Variants in DMRT1 observed in about 807,000 individuals in gnomAD.
The protein encoded by DMRT1 is doublesex and mab-3 related transcription factor 1, also known as doublesex- and mab-3-related transcription factor 1.
A neutral mutation model predicts 32.3 loss-of-function variants in DMRT1; 7 were observed. The ratio of observed to expected loss-of-function variants is 0.22; its 90% CI spans 0.12 to 0.41. DMRT1 has a LOEUF of 0.41. Among genes scored for constraint, DMRT1 ranks in the 10% least tolerant of loss-of-function variants. The pLI, the probability that DMRT1 is intolerant of heterozygous loss-of-function variation, is 1.00. For synonymous variants in DMRT1, 278 were observed against 206.1 expected (o/e 1.35, Z -2.99); for missense variants, 625 against 500.5 (o/e 1.25, Z -2.37).
chr9:873,138 G>T (rs1589481876), intron 2 of DMRT1, among the ~76,000 whole-genome samples: 1 of 152,290 alleles, frequency 6.6e-6, no homozygotes, highest in South Asian at 2.1e-4. Flanking sequence ...ATTATTTGTG[G>T]TTCTGATTTG....
At chr9:939,990 G>T (rs938465720) in intron 4 of DMRT1, among the ~76,000 whole-genome samples, 1 of 151,986 alleles carries the variant, frequency 6.6e-6, no homozygotes, top group Non-Finnish European at 1.5e-5. Flanking sequence ...TCAGTGAAAC[G>T]CAAATCAAAC....
chr9:901,302 C>T (rs1817564012), intron 3 of DMRT1, among the ~76,000 whole-genome samples: 1 of 152,138 alleles, frequency 6.6e-6, no homozygotes, highest in Non-Finnish European at 1.5e-5. Flanking sequence ...CAGGCATGAG[C>T]CACCACGCCT....
At chr9:855,240 C>G (rs941546264) in intron 2 of DMRT1, among the ~76,000 whole-genome samples, 1 of 152,156 alleles carries the variant, frequency 6.6e-6, no homozygotes, top group African/African-American at 2.4e-5. Flanking sequence ...AAGTAACCTA[C>G]TTGTCTACCT....
intron 4 of DMRT1, among the ~76,000 whole-genome samples, chr9:931,597 G>C (rs563160533): frequency 1.3e-5 from 2 of 152,156 alleles, no homozygotes; most frequent in Non-Finnish European, 2.9e-5. Context: ...GTTGCTTTCC[G>C]GTAAGGCTTC....
At chr9:861,636 AGCG>A (rs1159523247) in intron 2 of DMRT1, among the ~76,000 whole-genome samples, 8 of 141,230 alleles carry the variant, frequency 5.7e-5, no homozygotes, top group African/African-American at 1.9e-4. Context: ...CAGAAGGGGC[AGCG>A]GCCGGGCAGA....
chr9:960,182 C>A (rs1819726713), intron 4 of DMRT1, among the ~76,000 whole-genome samples: 1 of 152,156 alleles, frequency 6.6e-6, no homozygotes, highest in African/African-American at 2.4e-5. Flanking sequence ...ATACATGATG[C>A]CGTGAAAAGC....
chr9:847,408 A>G (rs1381838444), intron 2 of DMRT1, among the ~76,000 whole-genome samples: 2 of 152,192 alleles, frequency 1.3e-5, no homozygotes, highest in African/African-American at 4.8e-5. Context: ...GAGAGGTGAG[A>G]TTGTTCAGAT....
chr9:853,925 A>T (rs914149233), intron 2 of DMRT1, among the ~76,000 whole-genome samples: 11 of 152,080 alleles, frequency 7.2e-5, no homozygotes, highest in African/African-American at 2.7e-4. Flanking sequence ...CCTCCCGAGC[A>T]GTTAGGACTA....
At position 965,835 on chromosome 9, in the gene DMRT1, A is replaced by G. The variant is rs1258024970; in HGVS notation, c.968-2150A>G. Among the ~76,000 whole-genome samples, 1 of 152,240 alleles carries G rather than the reference A, an allele frequency of 6.6e-6. No individual in the cohort carries two copies. Among genetic ancestry groups the G allele is most frequent in the East Asian group, 1.9e-4 (1 of 5,204 alleles). ...ACGCCAGAGTCAGCCTAATCAGTAC[A>G]GTGCTGCCCTTGACAGCTTGCACAG... On this transcript the variant is annotated intron_variant, in intron 4 of 4. Coordinates refer to ENST00000382276, the MANE Select transcript of DMRT1 (RefSeq NM_021951.3). This position sits in a 1 kb window ranked among gnomAD's most constrained non-coding sequence, Gnocchi z 4.5.
At chr9:884,820 A>G (rs1404957219) in intron 2 of DMRT1, among the ~76,000 whole-genome samples, 1 of 152,086 alleles carries the variant, frequency 6.6e-6, no homozygotes, top group Non-Finnish European at 1.5e-5. Context: ...AAATAGAAAA[A>G]TTAGCCAGGC....
At chr9:891,990 G>C (rs1305179913) in intron 2 of DMRT1, among the ~76,000 whole-genome samples, 1 of 152,182 alleles carries the variant, frequency 6.6e-6, no homozygotes, top group East Asian at 1.9e-4. Context: ...TGGATCTCAC[G>C]TCCTGGTAGT....
chr9:899,341 C>A (rs1817486636), intron 3 of DMRT1, among the ~76,000 whole-genome samples: 1 of 152,166 alleles, frequency 6.6e-6, no homozygotes, highest in East Asian at 1.9e-4. Context: ...TTTTATTGTA[C>A]AGTTGAGACT....
intron 3 of DMRT1, among the ~76,000 whole-genome samples, chr9:912,151 CAG>C (rs1178667687): frequency 2.0e-5 from 3 of 152,180 alleles, no homozygotes; most frequent in Non-Finnish European, 4.4e-5. Flanking sequence ...AGAAAGAGAA[CAG>C]GGGAAACTGC....
intron 3 of DMRT1, among the ~76,000 whole-genome samples, chr9:900,790 T>A (rs1817543225): frequency 6.6e-6 from 1 of 151,746 alleles, no homozygotes; most frequent in African/African-American, 2.4e-5. Context: ...GTTCGAGTGA[T>A]CCTCCCATCT....
chr9:968,170 G>A lies in DMRT1; in HGVS notation c.*31G>A, dbSNP rs368604783. The A allele has an allele frequency of 3.1e-6, 5 of 1,612,792 alleles. No individual in the cohort carries two copies. Among genetic ancestry groups the A allele is most frequent in the Non-Finnish European group, 4.2e-6 (5 of 1,179,776 alleles). On this transcript the variant is annotated 3_prime_UTR_variant, in exon 5 of 5. Transcript: ENST00000382276. Reference sequence around the variant, plus strand: ...GCCTGCTGCCGATGGCGGTTCACTTGGAGTAACAGGCTTATTCCACTTTCC... The same window carrying A: ...GCCTGCTGCCGATGGCGGTTCACTTAGAGTAACAGGCTTATTCCACTTTCC...
intron 2 of DMRT1, among the ~76,000 whole-genome samples, chr9:872,162 A>G (rs1181710815): frequency 6.6e-6 from 1 of 151,004 alleles, no homozygotes; most frequent in Non-Finnish European, 1.5e-5. Flanking sequence ...CCCAGGTTCA[A>G]GGGATTCTCC....
At chr9:844,223 C>T (rs1316521919) in intron 1 of DMRT1, among the ~76,000 whole-genome samples, 1 of 152,134 alleles carries the variant, frequency 6.6e-6, no homozygotes, top group African/African-American at 2.4e-5. Context: ...ATTTTCTACA[C>T]CAGAAGGTGT....
chr9:845,191 G>C (rs1476642804), intron 1 of DMRT1, among the ~76,000 whole-genome samples: 1 of 151,984 alleles, frequency 6.6e-6, no homozygotes, highest in East Asian at 1.9e-4. Context: ...CTTTAAACCT[G>C]TTTTTTCAAT....
At chr9:897,935 T>C (rs966672412) in intron 3 of DMRT1, among the ~76,000 whole-genome samples, 1 of 152,060 alleles carries the variant, frequency 6.6e-6, no homozygotes. Context: ...CCTTAGGAAA[T>C]AGAAAACATA....
Sources: gnomAD v4.1 joint callset for allele counts (sites outside exome capture counted in the v4.1 genomes callset) on GRCh38, gnomAD v4.1.1 for gene constraint, Gnocchi (gnomAD v3.1) non-coding constraint, MANE v1.5 for transcripts, NCBI Gene and HGNC (gene_info 2026-07-23, HGNC 2026-07-21) for gene names.